TASP1: variants seen among roughly 807,000 people sequenced by gnomAD.
TASP1 encodes the protein threonine aspartase 1.
In TASP1, 16 loss-of-function variants were observed where a neutral mutation model predicts 56.6. The observed-to-expected ratio is 0.28, with a 90% CI of 0.19 to 0.43. The LOEUF (loss-of-function observed/expected upper bound fraction) is 0.43. Ranked by LOEUF, TASP1 falls within the 20% of genes least tolerant of loss-of-function variation. TASP1 has a pLI of 1.00. For missense variants in TASP1, 393 were observed against 511.6 expected (o/e 0.77, Z 2.24); for synonymous variants, 179 against 184.2 (o/e 0.97, Z 0.23).
chr20:13,151,903 A>G, the TASP1 span, among the ~76,000 whole-genome samples: 2 of 152,102 alleles, frequency 1.3e-5, no homozygotes, highest in African/African-American at 2.4e-5. Context: ...GCGATATCCT[A>G]TGCTAGTGAT....
the TASP1 span, among the ~76,000 whole-genome samples, chr20:13,282,163 G>T: frequency 2.0e-5 from 3 of 151,736 alleles, no homozygotes; most frequent in African/African-American, 4.8e-5. Context: ...TTTCAATCCC[G>T]ATGCCTAGAC....
chr20:13,454,625 C>A (rs1456270591), intron 11 of TASP1, among the ~76,000 whole-genome samples: 2 of 152,262 alleles, frequency 1.3e-5, no homozygotes, highest in East Asian at 3.9e-4. Flanking sequence ...TGGTTACTAA[C>A]CTCGACCTGT....
intron 6 of TASP1, among the ~76,000 whole-genome samples, chr20:13,580,415 C>A (rs2047078842): frequency 6.6e-6 from 1 of 152,058 alleles, no homozygotes; most frequent in African/African-American, 2.4e-5. Context: ...CCACTGCACT[C>A]CAGCCTGGGT....
chr20:13,438,848 T>G (rs565804226), intron 11 of TASP1, among the ~76,000 whole-genome samples: 2,541 of 152,154 alleles, frequency 0.017, 71 homozygotes, highest in African/African-American at 0.056. Flanking sequence ...GGGCAAAGGA[T>G]ATGAACAGAC....
At chr20:13,412,909 C>T (rs1201153877) in intron 13 of TASP1, among the ~76,000 whole-genome samples, 4 of 152,166 alleles carry the variant, frequency 2.6e-5, no homozygotes, top group Non-Finnish European at 2.9e-5. Flanking sequence ...TTTGCTTCCT[C>T]GTTCTTATCA....
chr20:13,198,622 G>A, the TASP1 span, among the ~76,000 whole-genome samples: 1 of 152,190 alleles, frequency 6.6e-6, no homozygotes, highest in East Asian at 1.9e-4. Flanking sequence ...CTATAGGCAA[G>A]GCAATATCTG....
intron 8 of TASP1, among the ~76,000 whole-genome samples, chr20:13,546,061 G>C (rs571210271): frequency 6.6e-6 from 1 of 151,830 alleles, no homozygotes; most frequent in Non-Finnish European, 1.5e-5. Context: ...TAATTCCTTC[G>C]GATCAAATAC....
intron 11 of TASP1, among the ~76,000 whole-genome samples, chr20:13,480,543 T>C (rs903351046): frequency 2.0e-5 from 3 of 152,282 alleles, no homozygotes; most frequent in Non-Finnish European, 1.5e-5. Flanking sequence ...GGGCTCAATA[T>C]GTATTAGGTA....
At chr20:13,191,865 C>T in the TASP1 span, among the ~76,000 whole-genome samples, 12 of 152,086 alleles carry the variant, frequency 7.9e-5, no homozygotes, top group Admixed American at 5.9e-4. Context: ...TAAATATGTA[C>T]AATTATTATG....
At chr20:13,383,664 G>A in the TASP1 span, among the ~76,000 whole-genome samples, 2 of 152,312 alleles carry the variant, frequency 1.3e-5, no homozygotes, top group East Asian at 3.9e-4. Flanking sequence ...GCTGTAGAGA[G>A]GCTCTGAGCC....
chr20:13,285,681 G>C, the TASP1 span, among the ~76,000 whole-genome samples: 2 of 152,356 alleles, frequency 1.3e-5, no homozygotes, highest in East Asian at 1.9e-4. Context: ...CCCGAGAGGG[G>C]AGTAGCCAAG....
At chr20:13,260,907 G>A in the TASP1 span, among the ~76,000 whole-genome samples, 1 of 152,178 alleles carries the variant, frequency 6.6e-6, no homozygotes, top group Non-Finnish European at 1.5e-5. Flanking sequence ...GGATGGTCTA[G>A]GACAGTCTCC....
the TASP1 span, among the ~76,000 whole-genome samples, chr20:13,170,598 T>A: frequency 6.6e-6 from 1 of 152,240 alleles, no homozygotes; most frequent in Non-Finnish European, 1.5e-5. Context: ...TTTGTTTTGC[T>A]GTGGCATATA....
At chr20:13,130,127 A>C in the TASP1 span, among the ~76,000 whole-genome samples, 1 of 152,236 alleles carries the variant, frequency 6.6e-6, no homozygotes, top group Non-Finnish European at 1.5e-5. Flanking sequence ...GAAGCAGTGA[A>C]AGTCATACAG....
chr20:13,520,191 T>G (rs1193682610), intron 10 of TASP1, among the ~76,000 whole-genome samples: 1 of 152,232 alleles, frequency 6.6e-6, no homozygotes, highest in Non-Finnish European at 1.5e-5. Context: ...AAAATGGCCA[T>G]ACTGTCCAAG....
chr20:13,487,496 G>A (rs1361597403), intron 10 of TASP1, among the ~76,000 whole-genome samples: 1 of 152,172 alleles, frequency 6.6e-6, no homozygotes, highest in African/African-American at 2.4e-5. Flanking sequence ...AGGAGTGCCA[G>A]TCTCTACGGC....
intron 6 of TASP1, among the ~76,000 whole-genome samples, chr20:13,579,688 T>C (rs1486052611): frequency 6.6e-6 from 1 of 152,160 alleles, no homozygotes; most frequent in Non-Finnish European, 1.5e-5. Context: ...CTTACTGAAA[T>C]CCATCCAACA....
chr20:13,594,846 C>A (rs986676231), intron 4 of TASP1, among the ~76,000 whole-genome samples: 1 of 152,134 alleles, frequency 6.6e-6, no homozygotes, highest in Non-Finnish European at 1.5e-5. Flanking sequence ...GCAAGGCAGG[C>A]CAACATTCAA....
At chr20:13,381,887 T>G in the TASP1 span, among the ~76,000 whole-genome samples, 1 of 152,220 alleles carries the variant, frequency 6.6e-6, no homozygotes, top group Non-Finnish European at 1.5e-5. Context: ...GGACCTCAGT[T>G]TTCTTGGGAA....
Sources: gnomAD v4.1 joint callset for allele counts (sites outside exome capture counted in the v4.1 genomes callset) on GRCh38, gnomAD v4.1.1 for gene constraint, MANE v1.5 for transcripts, NCBI Gene and HGNC (gene_info 2026-07-23, HGNC 2026-07-21) for gene names.